CRYBB1: variants seen among roughly 807,000 people sequenced by gnomAD.
CRYBB1 encodes the protein beta-crystallin B1.
CRYBB1 carries 16 observed loss-of-function variants against 29.5 expected under a neutral mutation model. The observed-to-expected ratio is 0.54, with a 90% CI of 0.37 to 0.82. The LOEUF (loss-of-function observed/expected upper bound fraction) is 0.82, where lower values mean the gene tolerates loss of function less well. Among genes scored for constraint, CRYBB1 ranks in the 40% least tolerant of loss-of-function variants. The pLI, the probability that CRYBB1 is intolerant of heterozygous loss-of-function variation, is 0.00. For missense variants in CRYBB1, 300 were observed against 350.5 expected (o/e 0.86, Z 1.15); for synonymous variants, 127 against 136.7 (o/e 0.93, Z 0.49).
At chr22:26,605,671 CAAAAAAA>C (rs771110435) in intron 4 of CRYBB1, among the ~76,000 whole-genome samples, 22 of 54,202 alleles carry the variant, frequency 4.1e-4, no homozygotes, top group East Asian at 2.4e-3. Flanking sequence ...AGATGTGTCT[CAAAAAAA>C]AAAAAAAAAA....
Position 26,599,538 on chromosome 22 carries a change from C to A in CRYBB1, c.711G>T (p.Trp237Cys). The A allele has an allele frequency of 1.2e-6, 2 of 1,613,986 alleles. No individual in the cohort carries two copies. The highest frequency in any genetic ancestry group is 1.7e-6 in the Non-Finnish European group (2 of 1,180,048). ...QSLRRLRDKQ[W>C]HLEGSFPVLA... is the part of the protein sequence containing the mutation. ...GGACAGGGAAGGACCCCTCGAGGTG[C>A]CACTGCTTGTCACGCAGGCGACGCA... is the stretch of plus-strand genomic sequence containing the variant. The change falls in exon 6 of 6, where the codon TGG becomes TGT. Residue 237 changes from tryptophan (W) to cysteine (C), a missense_variant. Coordinates refer to ENST00000647684, the MANE Select transcript of CRYBB1 (RefSeq NM_001887.4).
intron 5 of CRYBB1, 96 bp downstream of exon 5, chr22:26,601,783 T>A: frequency 6.3e-7 from 1 of 1,588,548 alleles, no homozygotes; most frequent in Non-Finnish European, 8.5e-7. Context: ...CATGGCCTTC[T>A]CTAGGAATCT....
chr22:26,606,682 A>C (rs1389001956), intron 4 of CRYBB1, among the ~76,000 whole-genome samples: 1 of 152,266 alleles, frequency 6.6e-6, no homozygotes, highest in East Asian at 1.9e-4. Flanking sequence ...GATCTGTTTG[A>C]ATAATCCATT....
At chr22:26,615,131 A>G (rs1248964452) in intron 2 of CRYBB1, among the ~76,000 whole-genome samples, 2 of 152,242 alleles carry the variant, frequency 1.3e-5, no homozygotes, top group Admixed American at 6.5e-5. Flanking sequence ...AAAACCTGCC[A>G]CGCACTGACC....
At chr22:26,600,324 C>G (rs1206115577) in intron 5 of CRYBB1, among the ~76,000 whole-genome samples, 1 of 151,996 alleles carries the variant, frequency 6.6e-6, no homozygotes, top group Admixed American at 6.6e-5. Flanking sequence ...ACGGCGTGAA[C>G]CCAGGAGGCG....
intron 4 of CRYBB1, among the ~76,000 whole-genome samples, chr22:26,603,732 C>T (rs1928893291): frequency 6.7e-6 from 1 of 148,694 alleles, no homozygotes; most frequent in Admixed American, 6.9e-5. Flanking sequence ...GGAGAAACCC[C>T]ATCTCTACTA....
intron 1 of CRYBB1, among the ~76,000 whole-genome samples, chr22:26,617,712 C>T (rs1042707661): frequency 6.6e-6 from 1 of 151,938 alleles, no homozygotes; most frequent in African/African-American, 2.4e-5. Context: ...TTCCTCTCTC[C>T]CCCACTATCT....
intron 4 of CRYBB1, among the ~76,000 whole-genome samples, chr22:26,606,202 C>T (rs1012218837): frequency 1.3e-5 from 2 of 152,054 alleles, no homozygotes; most frequent in African/African-American, 2.4e-5. Context: ...ATAGCAGTGC[C>T]GGAGTTCCAG....
chr22:26,607,852 T>A (rs781201691), intron 4 of CRYBB1, 37 bp downstream of exon 4: 1 of 1,613,930 alleles, frequency 6.2e-7, no homozygotes, highest in Non-Finnish European at 8.5e-7. Context: ...CTGCCCCGCC[T>A]GGCTGATTCT....
At chr22:26,614,802 G>A (rs1009837992) in intron 2 of CRYBB1, among the ~76,000 whole-genome samples, 34 of 152,046 alleles carry the variant, frequency 2.2e-4, no homozygotes, top group Admixed American at 2.0e-4. Context: ...GGCAAAACCC[G>A]TCTCATAATT....
intron 4 of CRYBB1, among the ~76,000 whole-genome samples, chr22:26,604,039 T>A (rs1341209869): frequency 1.3e-5 from 2 of 152,258 alleles, no homozygotes; most frequent in Admixed American, 6.5e-5. Flanking sequence ...TTAAAGTTCG[T>A]CTGTTATTTC....
chr22:26,605,444 C>T (rs1164893479), intron 4 of CRYBB1, among the ~76,000 whole-genome samples: 11 of 144,702 alleles, frequency 7.6e-5, no homozygotes, highest in African/African-American at 2.7e-4. Context: ...GAGGCCCAGG[C>T]GGGTAGATCA....
At chr22:26,605,924 A>C (rs1928964304) in intron 4 of CRYBB1, among the ~76,000 whole-genome samples, 1 of 152,112 alleles carries the variant, frequency 6.6e-6, no homozygotes, top group African/African-American at 2.4e-5. Flanking sequence ...AGCTTATTTA[A>C]CCTGCGGCCT....
intron 3 of CRYBB1, among the ~76,000 whole-genome samples, chr22:26,610,312 AC>A (rs1165201644): frequency 6.6e-6 from 1 of 151,866 alleles, no homozygotes; most frequent in African/African-American, 2.4e-5. Flanking sequence ...AGGCCTCCTC[AC>A]TTTCCCCATG....
At position 26,612,115 on chromosome 22, in the gene CRYBB1, G is replaced by C; in HGVS notation, c.256C>G (p.Arg86Gly). ...ATGCTGCGCACACGGTCGAAGCCAC[G>C]GTCTGCCAGATTTGAGCACTCCCCC... Reference protein sequence around the residue: ...FSGECSNLADRGFDRVRSIIV... With the variant: ...FSGECSNLADGGFDRVRSIIV... Residue 86 changes from arginine (R) to glycine (G), a missense_variant, in exon 3 of 6, where the codon CGT (arginine) becomes GGT (glycine). Physicochemically the swap from Arg to Gly is moderately radical, Grantham distance 125. Coordinates refer to ENST00000647684, the MANE Select transcript of CRYBB1 (RefSeq NM_001887.4). The C allele has an allele frequency of 1.2e-6, 2 of 1,613,804 alleles. No homozygotes were observed. The highest frequency in any genetic ancestry group is 1.7e-6 in the Non-Finnish European group (2 of 1,179,974).
rs117316086 is a variant in CRYBB1, at chr22:26,615,144, A to G, written c.180+996T>C. Among the ~76,000 whole-genome samples the G allele has an allele frequency of 1.9e-3, 283 of 152,358 alleles. 7 individuals carry two copies. In the East Asian group the frequency reaches 0.052, roughly 28 times the overall value. The stretch of plus-strand genomic sequence containing the variant: ...TAAAAACCTGCCACGCACTGACCAC[A>G]TGAGAGCGTGTCATGAACTAGGGGT... On this transcript the variant is annotated intron_variant, in intron 2 of 5. Coordinates refer to ENST00000647684, the MANE Select transcript of CRYBB1 (RefSeq NM_001887.4).
intron 4 of CRYBB1, among the ~76,000 whole-genome samples, chr22:26,604,416 C>T (rs1221708064): frequency 6.6e-6 from 1 of 152,226 alleles, no homozygotes; most frequent in Non-Finnish European, 1.5e-5. Flanking sequence ...TTCACCACCA[C>T]TAGGAGGAAG....
intron 2 of CRYBB1, among the ~76,000 whole-genome samples, chr22:26,613,052 G>C (rs1302683938): frequency 1.3e-5 from 2 of 152,140 alleles, no homozygotes; most frequent in Non-Finnish European, 2.9e-5. Flanking sequence ...CCAGGGCAGG[G>C]CCTGAGGTTG....
chr22:26,614,680 A>G (rs1321608110), intron 2 of CRYBB1, among the ~76,000 whole-genome samples: 1 of 152,224 alleles, frequency 6.6e-6, no homozygotes, highest in African/African-American at 2.4e-5. Context: ...ATCACATTGC[A>G]TATTTCAATA....
Sources: gnomAD v4.1 joint callset for allele counts (sites outside exome capture counted in the v4.1 genomes callset) on GRCh38, gnomAD v4.1.1 for gene constraint, MANE v1.5 for transcripts, NCBI Gene and HGNC (gene_info 2026-07-23, HGNC 2026-07-21) for gene names.